ACOD1: variants seen among roughly 807,000 people sequenced by gnomAD.
ACOD1 encodes cis-aconitate decarboxylase.
A neutral mutation model predicts 14.2 loss-of-function variants in ACOD1; 14 were observed. That is an observed-to-expected ratio of 0.99 (90% CI 0.65 to 1.54). The LOEUF (loss-of-function observed/expected upper bound fraction) is 1.54. Among genes scored for constraint, ACOD1 ranks in the 40% most tolerant of loss-of-function variants. The pLI is 0.00. For missense variants in ACOD1, 530 were observed against 586.3 expected, an observed-to-expected ratio of 0.90 and a Z score of 0.99; for synonymous variants, 182 against 221.7, an observed-to-expected ratio of 0.82 and a Z score of 1.59.
At chr13:76,948,633 A>G (rs936232994) in intron 1 of ACOD1, 63 bp downstream of exon 1, 95 of 1,361,270 alleles carry the variant, frequency 7.0e-5, no homozygotes, top group Middle Eastern at 3.6e-4. Context: ...TCCTTCCTCA[A>G]TTTCTTCAGT....
intron 3 of ACOD1, 73 bp from the exon 4 acceptor site, chr13:76,955,246 T>C (rs1232281727): frequency 3.7e-6 from 4 of 1,088,456 alleles, no homozygotes; most frequent in Non-Finnish European, 5.4e-6. Flanking sequence ...AACTAAGTCC[T>C]TAGTGGTCCA....
At chr13:76,956,399 G>A (rs552855119) in intron 4 of ACOD1, among the ~76,000 whole-genome samples, 20 of 151,966 alleles carry the variant, frequency 1.3e-4, no homozygotes, top group Middle Eastern at 6.8e-3. Context: ...ACGGGGTTTC[G>A]TCATGTTGGC....
chr13:76,957,560 A>G lies in ACOD1; in HGVS notation c.1021A>G (p.Met341Val), dbSNP rs1424256277. ...RHSFQYVACAMLLDGGITVPS... is the reference protein window; with the variant it reads ...RHSFQYVACAVLLDGGITVPS... Reference sequence around the variant, plus strand: ...TTCATTCCAGTATGTGGCCTGTGCCATGCTGCTTGATGGTGGCATCACTGT... The same window carrying G: ...TTCATTCCAGTATGTGGCCTGTGCCGTGCTGCTTGATGGTGGCATCACTGT... The change falls in exon 5 of 5, where the codon ATG becomes GTG. Residue 341 changes from methionine to valine, a missense_variant. Physicochemically the swap from Met to Val is conservative, Grantham distance 21. Coordinates refer to ENST00000377462, the MANE Select transcript of ACOD1 (RefSeq NM_001258406.2). The G allele has an allele frequency of 1.2e-5, 18 of 1,550,600 alleles. No individual in the cohort carries two copies. Among genetic ancestry groups the G allele is most frequent in the Non-Finnish European group, 1.6e-5 (18 of 1,147,004 alleles).
chr13:76,958,083 C>G lies in ACOD1; in HGVS notation c.*98C>G, dbSNP rs1481195978. 10 of 1,210,306 alleles carry G rather than the reference C, an allele frequency of 8.3e-6. No homozygotes were observed. Among genetic ancestry groups the G allele is most frequent in the Admixed American group, 2.9e-5 (1 of 34,326 alleles). The allele number at this position is 1,210,306 out of a possible 1,614,324, so 75.0% of individuals were successfully genotyped here. A position where few individuals can be genotyped will look rare whatever the true frequency, so the allele number is the denominator to read the frequency against. ...GCTTGGTTTTCCCAGGAAAAATGAA[C>G]AAAGATGGAGAGAGTCCAGAAACAG... On this transcript the variant is annotated 3_prime_UTR_variant, in exon 5 of 5. Transcript: ENST00000377462.
At chr13:76,952,736 C>A in intron 2 of ACOD1, 86 bp downstream of exon 2, 1 of 1,091,226 alleles carries the variant, frequency 9.2e-7, no homozygotes, top group Non-Finnish European at 1.3e-6. Flanking sequence ...TTATAGACAG[C>A]ACTTGATGTA....
rs1055012380 is a variant in ACOD1, at chr13:76,948,657, T to G, written c.12+87T>G. On this transcript the variant is annotated intron_variant, in intron 1 of 4. Coordinates refer to ENST00000377462, the MANE Select transcript of ACOD1 (RefSeq NM_001258406.2). ...AATTTCTTCAGTTGCCCTCTCCTTT[T>G]AAGAACTACCTGCTTCTGCTTTAAC... 12 of 1,092,964 alleles carry G rather than the reference T, an allele frequency of 1.1e-5. No individual in the cohort carries two copies. In the African/African-American group the frequency reaches 1.9e-4, roughly 17 times the overall value. 67.7% of individuals were successfully genotyped at this position (1,092,964 alleles called of 1,614,324 possible).
In ACOD1 at chr13:76,957,518, G is replaced by A; in HGVS notation, c.979G>A (p.Glu327Lys). ...TGTAAACAGGCCCTTTCCAGTTTCG[G>A]AGCATGAAGCCCGTCATTCATTCCA... Reference protein sequence around the residue: ...QYVNRPFPVSEHEARHSFQYV... With the variant: ...QYVNRPFPVSKHEARHSFQYV... The change falls in exon 5 of 5, where the codon GAG (glutamate) becomes AAG (lysine). Residue 327 changes from glutamate to lysine, a missense_variant. Physicochemically the swap from Glu to Lys is moderately conservative, Grantham distance 56. Transcript: ENST00000377462. 1 of 1,550,610 alleles carries A rather than the reference G, an allele frequency of 6.4e-7. No individual in the cohort carries two copies. The highest frequency in any genetic ancestry group is 8.7e-7 in the Non-Finnish European group (1 of 1,146,996).
At position 76,953,662 on chromosome 13, in the gene ACOD1, A is replaced by G; in HGVS notation, c.237A>G (p.Thr79=). The G allele has an allele frequency of 6.5e-7, 1 of 1,548,294 alleles. No individual in the cohort carries two copies. ...AGCCAGACATCAGGCTCCCGCCCACATATGCTGCTTTTGTGAACGGTGTGG... is the reference window on the plus strand; with the variant it reads ...AGCCAGACATCAGGCTCCCGCCCACGTATGCTGCTTTTGTGAACGGTGTGG... The part of the protein sequence containing the change: ...WGQPDIRLPP[T]YAAFVNGVAI... Residue 79 remains threonine (T), a synonymous_variant, in exon 3 of 5, where the codon ACA becomes ACG. Transcript: ENST00000377462.
intron 4 of ACOD1, among the ~76,000 whole-genome samples, chr13:76,955,792 G>C (rs2033869874): frequency 6.6e-6 from 1 of 152,202 alleles, no homozygotes; most frequent in Non-Finnish European, 1.5e-5. Flanking sequence ...GGTGTACTGA[G>C]TATTCCTTAT....
At chr13:76,951,347 C>T (rs867472787) in intron 1 of ACOD1, among the ~76,000 whole-genome samples, 46 of 152,144 alleles carry the variant, frequency 3.0e-4, no homozygotes, top group African/African-American at 1.1e-3. Flanking sequence ...GCAATTCTCC[C>T]ACCTCAGCTT....
At chr13:76,951,438 C>T (rs12585270) in intron 1 of ACOD1, among the ~76,000 whole-genome samples, 2,162 of 152,188 alleles carry the variant, frequency 0.014, 32 homozygotes, top group Admixed American at 0.042. Context: ...GTTTTGCCAC[C>T]TTGGCCAGGC....
chr13:76,955,126 CAAAAAAAAAAAAA>C (rs34230053), intron 3 of ACOD1, among the ~76,000 whole-genome samples, 180 bp from the exon 4 acceptor site: 6 of 98,850 alleles, frequency 6.1e-5, no homozygotes, highest in Non-Finnish European at 5.5e-5. Context: ...GACTCTGTCT[CAAAAAAAAAAAAA>C]AAAAAAAAAA....
chr13:76,952,758 T>C, intron 2 of ACOD1, 108 bp downstream of exon 2: 1 of 819,608 alleles, frequency 1.2e-6, no homozygotes, highest in Non-Finnish European at 1.9e-6. Context: ...ATAGCACTGT[T>C]CTATATCATT....
intron 3 of ACOD1, 31 bp downstream of exon 3, chr13:76,953,720 T>C: frequency 8.1e-7 from 1 of 1,235,904 alleles, no homozygotes; most frequent in South Asian, 1.3e-5. Flanking sequence ...TTTCAACTAT[T>C]AGATAATCAT....
rs1252677513 is a variant in ACOD1, at chr13:76,957,440, C to T, written c.901C>T (p.Leu301Phe). 1.3e-6 allele frequency: 2 copies of T among 1,550,626 alleles called. No homozygotes were observed. The highest frequency in any genetic ancestry group is 1.7e-6 in the Non-Finnish European group (2 of 1,146,982). ...GCACCTTGTAGCAGAGAGAGCCCTG[C>T]TTCCAACTGACTACATTAAGAGAAT... is the stretch of plus-strand genomic sequence containing the variant. ...RKHLVAERAL[L>F]PTDYIKRIVL... is the part of the protein sequence containing the mutation. Residue 301 changes from leucine (L) to phenylalanine (F), a missense_variant, in exon 5 of 5, where the codon CTT (leucine) becomes TTT (phenylalanine). Coordinates refer to ENST00000377462, the MANE Select transcript of ACOD1 (RefSeq NM_001258406.2).
chr13:76,955,064 T>C (rs1401799123), intron 3 of ACOD1, among the ~76,000 whole-genome samples: 1 of 142,376 alleles, frequency 7.0e-6, no homozygotes, highest in Non-Finnish European at 1.5e-5. Context: ...GAGGCAGAGG[T>C]TGCAGTGAGC....
In ACOD1 at chr13:76,957,288, C is replaced by G. The variant is rs771720227; in HGVS notation, c.749C>G (p.Ser250Cys). 1 of 1,550,606 alleles carries G rather than the reference C, an allele frequency of 6.4e-7. No homozygotes were observed. The highest frequency in any genetic ancestry group is 1.2e-5 in the South Asian group (1 of 84,066). The change falls in exon 5 of 5, where the codon TCC (serine) becomes TGC (cysteine). Residue 250 changes from serine (S) to cysteine (C), a missense_variant. Physicochemically the swap from Ser to Cys is moderately radical, Grantham distance 112. Transcript: ENST00000377462. ...AGFGAFYANYSPKVLPSIASY... is the reference protein window; with the variant it reads ...AGFGAFYANYCPKVLPSIASY... ...TTTGGGGCCTTTTATGCCAACTATTCCCCAAAAGTCCTTCCAAGCATAGCT... is the reference window on the plus strand; with the variant it reads ...TTTGGGGCCTTTTATGCCAACTATTGCCCAAAAGTCCTTCCAAGCATAGCT...
chr13:76,952,666 T>A lies in ACOD1; in HGVS notation c.174+16T>A. 1 of 1,547,380 alleles carries A rather than the reference T, an allele frequency of 6.5e-7. No individual in the cohort carries two copies. Among genetic ancestry groups the A allele is most frequent in the Non-Finnish European group, 8.7e-7 (1 of 1,145,764 alleles). ...ATATAGCAAGGTAAGAAGCTCAAGG[T>A]CTACATTAGAGATAAAACCCAGTGC... On this transcript the variant is annotated intron_variant, in intron 2 of 4. Coordinates refer to ENST00000377462, the MANE Select transcript of ACOD1 (RefSeq NM_001258406.2).
chr13:76,954,583 G>A (rs866598740), intron 3 of ACOD1, among the ~76,000 whole-genome samples: 2 of 152,136 alleles, frequency 1.3e-5, no homozygotes, highest in Admixed American at 6.5e-5. Context: ...AAAAACGTAT[G>A]GCCTCATATG....
Sources: allele counts gnomAD v4.1 joint callset (sites outside exome capture counted in the v4.1 genomes callset), GRCh38; gene constraint gnomAD v4.1.1; transcripts MANE v1.5; gene names NCBI Gene and HGNC (gene_info 2026-07-23, HGNC 2026-07-21).